Variants in ERC1 observed in about 807,000 individuals in gnomAD.
ERC1 encodes RAB6 interacting protein 2.
In ERC1, 56 loss-of-function variants were observed where a neutral mutation model predicts 132.0. That is an observed-to-expected ratio of 0.42 (90% CI 0.34 to 0.53). The LOEUF is 0.53. Ranked by LOEUF, ERC1 falls within the 20% of genes least tolerant of loss-of-function variation. The probability of loss-of-function intolerance (pLI) is 0.03; values close to 1 mark genes in which losing one functional copy is unlikely to be tolerated. For synonymous variants in ERC1, 478 were observed against 476.1 expected, an observed-to-expected ratio of 1.00 and a Z score of -0.05; for missense variants, 1,202 against 1,349.9, an observed-to-expected ratio of 0.89 and a Z score of 1.72.
chr12:1,426,070 A>T (rs1043694947), intron 17 of ERC1, among the ~76,000 whole-genome samples: 1 of 151,902 alleles, frequency 6.6e-6, no homozygotes, highest in Non-Finnish European at 1.5e-5. Context: ...GCTTTTGCAT[A>T]GTATCTGAAG....
intron 18 of ERC1, among the ~76,000 whole-genome samples, chr12:1,462,933 T>G (rs1340662375): frequency 1.4e-5 from 2 of 142,288 alleles, no homozygotes; most frequent in Non-Finnish European, 3.0e-5. Context: ...GAGTACAAAT[T>G]TCTTTTTTTT....
At chr12:1,308,605 C>G (rs1372207590) in intron 15 of ERC1, among the ~76,000 whole-genome samples, 1 of 151,890 alleles carries the variant, frequency 6.6e-6, no homozygotes, top group Non-Finnish European at 1.5e-5. Context: ...TGTTGTGTTC[C>G]AACAGTTTGT....
chr12:1,069,367 C>A (rs964904021), intron 2 of ERC1, among the ~76,000 whole-genome samples: 1 of 152,136 alleles, frequency 6.6e-6, no homozygotes, highest in Admixed American at 6.5e-5. Context: ...GTTGGAGGCA[C>A]ACTCTGCTAC....
intron 18 of ERC1, among the ~76,000 whole-genome samples, chr12:1,488,929 A>G (rs1282309677): frequency 1.3e-5 from 2 of 152,140 alleles, no homozygotes; most frequent in East Asian, 1.9e-4. Context: ...GGCTGCGAGC[A>G]GGAGCTGCCC....
chr12:1,070,413 G>C (rs1322692755), intron 2 of ERC1, among the ~76,000 whole-genome samples: 1 of 151,704 alleles, frequency 6.6e-6, no homozygotes, highest in Non-Finnish European at 1.5e-5. Context: ...GAAACCTCCT[G>C]AGTATCTGGG....
intron 8 of ERC1, among the ~76,000 whole-genome samples, chr12:1,174,970 A>C (rs548490617): frequency 6.6e-6 from 1 of 152,346 alleles, no homozygotes; most frequent in East Asian, 1.9e-4. Flanking sequence ...GAGTCACACA[A>C]ATTTTTTGGC....
At chr12:1,313,393 G>C (rs2081452122) in intron 15 of ERC1, among the ~76,000 whole-genome samples, 1 of 152,074 alleles carries the variant, frequency 6.6e-6, no homozygotes, top group African/African-American at 2.4e-5. Context: ...GCAAAATCCA[G>C]ATTCCGTTAG....
intron 8 of ERC1, among the ~76,000 whole-genome samples, chr12:1,174,194 G>A (rs995788150): frequency 3.9e-5 from 6 of 152,172 alleles, no homozygotes; most frequent in African/African-American, 1.4e-4. Flanking sequence ...TGCGTGTTTC[G>A]GGTTTGTTCA....
At chr12:1,193,096 T>A (rs59569912) in intron 12 of ERC1, among the ~76,000 whole-genome samples, 11,059 of 152,206 alleles carry the variant, frequency 0.073, 549 homozygotes, top group Admixed American at 0.15. Flanking sequence ...CATTTTATAG[T>A]GCTTCTTATA....
intron 13 of ERC1, among the ~76,000 whole-genome samples, chr12:1,246,011 T>C (rs2076136436): frequency 6.6e-6 from 1 of 152,230 alleles, no homozygotes; most frequent in Admixed American, 6.5e-5. Flanking sequence ...CCTCAAGTGA[T>C]GCTCTCACCT....
chr12:1,201,705 A>G (rs1956930521), intron 12 of ERC1, among the ~76,000 whole-genome samples: 1 of 152,188 alleles, frequency 6.6e-6, no homozygotes, highest in Admixed American at 6.5e-5. Context: ...TTTTCCTTAA[A>G]TTTTGAATTG....
chr12:1,405,821 C>CG (rs1565367064), intron 16 of ERC1, among the ~76,000 whole-genome samples: 1 of 152,058 alleles, frequency 6.6e-6, no homozygotes, highest in Non-Finnish European at 1.5e-5. Context: ...GAAGCCAAGA[C>CG]GGGGGGATCA....
chr12:1,159,891 A>G (rs553513755), intron 8 of ERC1, among the ~76,000 whole-genome samples: 39 of 152,298 alleles, frequency 2.6e-4, no homozygotes, highest in African/African-American at 8.9e-4. Context: ...TATAATAGCT[A>G]CTTAAGGATG....
At chr12:1,484,242 T>C (rs1317544546) in intron 18 of ERC1, among the ~76,000 whole-genome samples, 5 of 151,914 alleles carry the variant, frequency 3.3e-5, no homozygotes, top group South Asian at 4.2e-4. Flanking sequence ...GATGTGGAGC[T>C]TGCAGTGAGC....
chr12:1,267,949 T>G (rs1260619171), intron 14 of ERC1, among the ~76,000 whole-genome samples: 1 of 152,256 alleles, frequency 6.6e-6, no homozygotes, highest in Non-Finnish European at 1.5e-5. Flanking sequence ...TGTGGTTTGC[T>G]AGGTAATGAT....
intron 7 of ERC1, among the ~76,000 whole-genome samples, chr12:1,135,199 G>T (rs988795630): frequency 6.6e-6 from 1 of 152,112 alleles, no homozygotes; most frequent in African/African-American, 2.4e-5. Flanking sequence ...CCTTTGTGTT[G>T]CCCTGATATC....
intron 17 of ERC1, among the ~76,000 whole-genome samples, chr12:1,427,010 G>GAT (rs1232068005): frequency 6.6e-6 from 1 of 152,092 alleles, no homozygotes; most frequent in East Asian, 1.9e-4. Context: ...ACTACAGGCA[G>GAT]ATATATATAC....
chr12:1,385,569 G>A (rs1038988574), intron 16 of ERC1, among the ~76,000 whole-genome samples: 2 of 152,220 alleles, frequency 1.3e-5, no homozygotes, highest in African/African-American at 4.8e-5. Flanking sequence ...CCAGGCGTGA[G>A]CCACCGCGCC....
Position 1,121,748 on chromosome 12 carries a change from T to C in ERC1, c.1569+5715T>C, listed in dbSNP as rs1202656435. Among the ~76,000 whole-genome samples the C allele has an allele frequency of 3.4e-3, 20 of 5,892 alleles. 1 individual carries two copies. The highest frequency in any genetic ancestry group is 5.0e-3 in the African/African-American group (18 of 3,618). 3.9% of individuals were successfully genotyped at this position (5,892 alleles called of 152,430 possible). ...ATCTCTATCTCTATCTCTATCTATC[T>C]CTATCTCTATCTCTATCTATCTCTA... On this transcript the variant is annotated intron_variant, in intron 7 of 18. Coordinates refer to ENST00000360905, the MANE Select transcript of ERC1 (RefSeq NM_178040.4).
Sources: allele counts gnomAD v4.1 joint callset (sites outside exome capture counted in the v4.1 genomes callset), GRCh38; gene constraint gnomAD v4.1.1; transcripts MANE v1.5; gene names NCBI Gene and HGNC (gene_info 2026-07-23, HGNC 2026-07-21).